Variants in CFAP299 observed in about 807,000 individuals in gnomAD.
CFAP299 encodes cilia and flagella associated protein 299.
CFAP299 carries 21 observed loss-of-function variants against 27.0 expected under a neutral mutation model. The observed-to-expected ratio is 0.78, with a 90% CI of 0.55 to 1.12. CFAP299 has a LOEUF of 1.12. Ranked by LOEUF, CFAP299 falls within the 50% of genes most tolerant of loss-of-function variation. The pLI is 0.00. For synonymous variants in CFAP299, 104 were observed against 98.1 expected, an observed-to-expected ratio of 1.06 and a Z score of -0.36; for missense variants, 310 against 276.6, an observed-to-expected ratio of 1.12 and a Z score of -0.86.
chr4:80,437,108 T>G (rs1728128716), intron 2 of CFAP299, among the ~76,000 whole-genome samples: 1 of 152,192 alleles, frequency 6.6e-6, no homozygotes, highest in African/African-American at 2.4e-5. Context: ...AATAACCAGA[T>G]AAATGACTAC....
intron 3 of CFAP299, among the ~76,000 whole-genome samples, chr4:80,821,179 C>T (rs1420321699): frequency 2.0e-5 from 3 of 152,154 alleles, no homozygotes; most frequent in African/African-American, 7.2e-5. Context: ...ACTTCATACG[C>T]ACTTTACCAT....
At chr4:80,800,276 T>C (rs1337652046) in intron 3 of CFAP299, among the ~76,000 whole-genome samples, 1 of 74,004 alleles carries the variant, frequency 1.4e-5, no homozygotes, top group African/African-American at 5.7e-5. Flanking sequence ...AAAATATATA[T>C]AATATATAAT....
At chr4:80,870,167 G>A (rs758901499) in intron 4 of CFAP299, 32 bp downstream of exon 4, 2 of 1,569,464 alleles carry the variant, frequency 1.3e-6, no homozygotes, top group South Asian at 2.4e-5. Flanking sequence ...CACCCTTAGA[G>A]GCAGGGACAA....
intron 2 of CFAP299, among the ~76,000 whole-genome samples, chr4:80,471,886 C>T (rs1222702644): frequency 6.6e-6 from 1 of 152,036 alleles, no homozygotes; most frequent in Non-Finnish European, 1.5e-5. Flanking sequence ...CTTGGCAGCA[C>T]TGACCCGCGG....
rs1035578970 is a variant in CFAP299 at position 80,717,171 on chromosome 4, T to C, written c.333+133988T>C. ...AAGAAATATAACCACACAATAACTA[T>C]GAAAAAAATGTGATGAATACTATGA... On this transcript the variant is annotated intron_variant, in intron 3 of 5. Transcript: ENST00000358105. 6.6e-5 allele frequency among the ~76,000 whole-genome samples: 10 copies of C among 152,108 alleles called. No homozygotes were observed. In the South Asian group the frequency reaches 1.0e-3, roughly 16 times the overall value.
intron 2 of CFAP299, among the ~76,000 whole-genome samples, chr4:80,548,096 C>T (rs766456799): frequency 6.6e-6 from 1 of 152,072 alleles, no homozygotes; most frequent in Non-Finnish European, 1.5e-5. Context: ...TGCAGCACTG[C>T]TCACAATAGC....
chr4:80,918,350 G>A (rs796453498), intron 4 of CFAP299, among the ~76,000 whole-genome samples: 16 of 152,158 alleles, frequency 1.1e-4, no homozygotes, highest in South Asian at 6.2e-4. Context: ...GTAAATTGGT[G>A]GGAAAAGTTA....
chr4:80,938,723 C>T (rs1560484980), intron 4 of CFAP299, among the ~76,000 whole-genome samples: 1 of 152,138 alleles, frequency 6.6e-6, no homozygotes, highest in Non-Finnish European at 1.5e-5. Flanking sequence ...AGAGTATGTA[C>T]TTATCTTTAC....
intron 2 of CFAP299, among the ~76,000 whole-genome samples, chr4:80,508,467 A>G (rs1023689422): frequency 4.6e-5 from 7 of 152,104 alleles, no homozygotes; most frequent in African/African-American, 1.7e-4. Flanking sequence ...AGAAGCATTG[A>G]GTTGTATTAT....
At chr4:80,653,608 G>A (rs559039111) in intron 3 of CFAP299, among the ~76,000 whole-genome samples, 1 of 151,892 alleles carries the variant, frequency 6.6e-6, no homozygotes, top group South Asian at 2.1e-4. Flanking sequence ...TAAAGTGTAT[G>A]AAAAAAACAT....
At chr4:80,866,228 G>A (rs932706601) in intron 3 of CFAP299, among the ~76,000 whole-genome samples, 2 of 150,872 alleles carry the variant, frequency 1.3e-5, no homozygotes, top group Non-Finnish European at 3.0e-5. Flanking sequence ...GCATTTAGAA[G>A]CTTAGGTTTA....
chr4:80,863,753 T>C (rs1186596370), intron 3 of CFAP299, among the ~76,000 whole-genome samples: 1 of 152,170 alleles, frequency 6.6e-6, no homozygotes, highest in Non-Finnish European at 1.5e-5. Flanking sequence ...CCTTGACTTG[T>C]TCTAGATAGG....
At chr4:80,837,479 C>T (rs2110136125) in intron 3 of CFAP299, among the ~76,000 whole-genome samples, 1 of 152,220 alleles carries the variant, frequency 6.6e-6, no homozygotes, top group African/African-American at 2.4e-5. Context: ...TGTTCCCCTC[C>T]CTGTGTCCAT....
At chr4:80,829,791 T>C (rs1017467604) in intron 3 of CFAP299, among the ~76,000 whole-genome samples, 7 of 152,078 alleles carry the variant, frequency 4.6e-5, no homozygotes, top group African/African-American at 1.7e-4. Flanking sequence ...AGATGATCTT[T>C]ACGGACATTA....
intron 3 of CFAP299, among the ~76,000 whole-genome samples, chr4:80,664,848 C>T (rs555002357): frequency 6.6e-5 from 10 of 152,272 alleles, no homozygotes; most frequent in Non-Finnish European, 1.2e-4. Context: ...AAACCCAGGG[C>T]CCTGGTGGTG....
At chr4:80,607,321 AC>A (rs1216410561) in intron 3 of CFAP299, among the ~76,000 whole-genome samples, 1 of 152,190 alleles carries the variant, frequency 6.6e-6, no homozygotes, top group Non-Finnish European at 1.5e-5. Context: ...AACAATAAGT[AC>A]TATAGAGTCT....
At chr4:80,458,525 G>A (rs1173831994) in intron 2 of CFAP299, among the ~76,000 whole-genome samples, 2 of 152,094 alleles carry the variant, frequency 1.3e-5, no homozygotes, top group Non-Finnish European at 2.9e-5. Context: ...TGTATTCTTT[G>A]TGTATTTTTT....
chr4:80,702,199 T>C (rs565704306), intron 3 of CFAP299, among the ~76,000 whole-genome samples: 1 of 152,008 alleles, frequency 6.6e-6, no homozygotes, highest in Admixed American at 6.6e-5. Flanking sequence ...GTTAAGAAGT[T>C]CTCATTACCT....
At chr4:80,477,235 T>C (rs1376582257) in intron 2 of CFAP299, among the ~76,000 whole-genome samples, 1 of 152,112 alleles carries the variant, frequency 6.6e-6, no homozygotes, top group African/African-American at 2.4e-5. Flanking sequence ...CTAATTTTTG[T>C]ATTTTTTGTA....
Sources: allele counts gnomAD v4.1 joint callset (sites outside exome capture counted in the v4.1 genomes callset), GRCh38; gene constraint gnomAD v4.1.1; transcripts MANE v1.5; gene names NCBI Gene and HGNC (gene_info 2026-07-23, HGNC 2026-07-21).